Variants in ASTN2 observed in about 807,000 individuals in gnomAD.
The protein encoded by ASTN2 is astrotactin 2, also known as astrotactin-2.
ASTN2 carries 54 observed loss-of-function variants against 139.8 expected under a neutral mutation model. The observed-to-expected ratio is 0.39, with a 90% CI of 0.31 to 0.48. The LOEUF (loss-of-function observed/expected upper bound fraction) is 0.48. Ranked by LOEUF, ASTN2 falls within the 20% of genes least tolerant of loss-of-function variation. The pLI, the probability that ASTN2 is intolerant of heterozygous loss-of-function variation, is 0.95. For synonymous variants in ASTN2, 756 were observed against 719.5 expected, an observed-to-expected ratio of 1.05 and a Z score of -0.81; for missense variants, 1,565 against 1,725.1, an observed-to-expected ratio of 0.91 and a Z score of 1.64.
chr9:116,997,676 T>C (rs1263354930), intron 7 of ASTN2, among the ~76,000 whole-genome samples: 1 of 152,208 alleles, frequency 6.6e-6, no homozygotes, highest in Non-Finnish European at 1.5e-5. Flanking sequence ...AGTAAATATA[T>C]GAACTTGAGA....
intron 5 of ASTN2, among the ~76,000 whole-genome samples, chr9:117,070,172 G>A (rs909564443): frequency 7.8e-5 from 10 of 127,866 alleles, no homozygotes; most frequent in Non-Finnish European, 1.6e-4. Flanking sequence ...CGTGTTTAGT[G>A]CTTCCTTCAG....
chr9:116,992,227 A>T (rs1836880981), intron 7 of ASTN2, among the ~76,000 whole-genome samples: 1 of 152,132 alleles, frequency 6.6e-6, no homozygotes, highest in African/African-American at 2.4e-5. Flanking sequence ...CTCTGCCACT[A>T]AGTTACTGAA....
intron 16 of ASTN2, among the ~76,000 whole-genome samples, chr9:116,706,760 A>ATTTTTTTTTTTTTTTTTTTTTTTTTT (rs60395133): frequency 1.1e-5 from 1 of 88,046 alleles, no homozygotes. Flanking sequence ...GCTGGCTAGA[A>ATTTTTTTTTTTTTTTTTTTTTTTTTT]TTTTTTTTTT....
chr9:117,242,978 C>T (rs746765678), intron 2 of ASTN2, among the ~76,000 whole-genome samples: 12 of 152,204 alleles, frequency 7.9e-5, no homozygotes, highest in Non-Finnish European at 1.2e-4. Context: ...TAATCATCAT[C>T]GCCATCGTCA....
At chr9:116,531,271 A>G (rs1851331058) in intron 19 of ASTN2, among the ~76,000 whole-genome samples, 1 of 152,214 alleles carries the variant, frequency 6.6e-6, no homozygotes, top group Non-Finnish European at 1.5e-5. Flanking sequence ...TATGTCTTAA[A>G]TGTATGGCCA....
intron 1 of ASTN2, among the ~76,000 whole-genome samples, chr9:117,334,513 A>C (rs1226851832): frequency 1.3e-5 from 2 of 151,254 alleles, no homozygotes; most frequent in Non-Finnish European, 2.9e-5. Flanking sequence ...GGTGGAGAGA[A>C]TAATGATAAG....
At position 117,401,377 on chromosome 9, in the gene ASTN2, G is replaced by A. The variant is rs143437586; in HGVS notation, c.442+13120C>T. Among the ~76,000 whole-genome samples, 1,094 of 152,204 alleles carry A rather than the reference G, an allele frequency of 7.2e-3. 7 individuals carry two copies. Among genetic ancestry groups the A allele is most frequent in the South Asian group, 0.018 (86 of 4,820 alleles). On this transcript the variant is annotated intron_variant, in intron 1 of 22. Transcript: ENST00000313400. The stretch of plus-strand genomic sequence containing the variant: ...GTGTATAAGGGTGCTACTTTGGTCC[G>A]GGAAGACTACTTGGAGGAGGTAATA...
At chr9:117,317,212 G>A (rs1297087586) in intron 1 of ASTN2, among the ~76,000 whole-genome samples, 1 of 152,238 alleles carries the variant, frequency 6.6e-6, no homozygotes, top group Non-Finnish European at 1.5e-5. Context: ...CAGATTTGGA[G>A]CCTTTTATGT....
chr9:116,962,922 T>C (rs1399192860), intron 10 of ASTN2, among the ~76,000 whole-genome samples: 1 of 152,154 alleles, frequency 6.6e-6, no homozygotes, highest in Non-Finnish European at 1.5e-5. Flanking sequence ...TTCGTGAACA[T>C]ACAAGCAGAG....
intron 10 of ASTN2, among the ~76,000 whole-genome samples, chr9:116,973,307 A>G (rs1836263077): frequency 6.6e-6 from 1 of 151,150 alleles, no homozygotes; most frequent in East Asian, 1.9e-4. Flanking sequence ...GATATGAACT[A>G]TTATTATTAT....
intron 2 of ASTN2, among the ~76,000 whole-genome samples, chr9:117,267,347 T>C (rs1341889031): frequency 6.6e-6 from 1 of 152,106 alleles, no homozygotes; most frequent in Non-Finnish European, 1.5e-5. Context: ...ACTGGGGAAA[T>C]AATAGCAAGG....
chr9:117,038,468 T>C (rs765389105), intron 6 of ASTN2, among the ~76,000 whole-genome samples: 4 of 151,704 alleles, frequency 2.6e-5, no homozygotes, highest in African/African-American at 4.8e-5. Context: ...TATGGAATCT[T>C]GTTACATGTC....
At chr9:116,808,135 A>C (rs1831075007) in intron 12 of ASTN2, among the ~76,000 whole-genome samples, 1 of 152,058 alleles carries the variant, frequency 6.6e-6, no homozygotes, top group South Asian at 2.1e-4. Context: ...AAAACAAAAC[A>C]AGACAAAAAA....
chr9:117,261,651 C>T (rs1312647877), intron 2 of ASTN2, among the ~76,000 whole-genome samples: 1 of 152,162 alleles, frequency 6.6e-6, no homozygotes, highest in Non-Finnish European at 1.5e-5. Flanking sequence ...TCATTCTTAC[C>T]TCTGCTTTCT....
At chr9:116,915,821 A>G (rs1324187480) in intron 10 of ASTN2, among the ~76,000 whole-genome samples, 1 of 152,202 alleles carries the variant, frequency 6.6e-6, no homozygotes, top group Non-Finnish European at 1.5e-5. Context: ...TAAAAATCAA[A>G]GTAAATATTT....
intron 17 of ASTN2, among the ~76,000 whole-genome samples, chr9:116,641,723 G>C (rs1192395507): frequency 3.9e-5 from 6 of 152,104 alleles, no homozygotes; most frequent in African/African-American, 1.4e-4. Context: ...GAATCTGGTA[G>C]TCTTCAGGTC....
chr9:116,967,309 G>A (rs1836040818), intron 10 of ASTN2, among the ~76,000 whole-genome samples: 1 of 152,216 alleles, frequency 6.6e-6, no homozygotes, highest in Non-Finnish European at 1.5e-5. Context: ...CAGCTAGTCA[G>A]TGGTGGAGCT....
At chr9:117,213,970 G>A (rs1440086280) in intron 3 of ASTN2, among the ~76,000 whole-genome samples, 6 of 152,150 alleles carry the variant, frequency 3.9e-5, no homozygotes, top group Non-Finnish European at 7.3e-5. Context: ...TTGGACATGG[G>A]GGACCGTGAA....
intron 19 of ASTN2, among the ~76,000 whole-genome samples, chr9:116,595,685 G>A (rs7866525): frequency 0.44 from 66,680 of 151,604 alleles, 15,466 homozygotes; most frequent in East Asian, 0.7. Flanking sequence ...CTTGTGGTGT[G>A]ACTGTCTTGT....
Sources: allele counts gnomAD v4.1 joint callset (sites outside exome capture counted in the v4.1 genomes callset), GRCh38; gene constraint gnomAD v4.1.1; transcripts MANE v1.5; gene names NCBI Gene and HGNC (gene_info 2026-07-23, HGNC 2026-07-21).